Variants in ATP1B3 observed in about 807,000 individuals in gnomAD.
ATP1B3 encodes the protein ATPase Na+/K+ transporting subunit beta 3, also known as sodium/potassium-transporting ATPase subunit beta-3.
A neutral mutation model predicts 30.2 loss-of-function variants in ATP1B3; 10 were observed. The ratio of observed to expected loss-of-function variants is 0.33; its 90% confidence interval spans 0.20 to 0.56. ATP1B3 has a LOEUF of 0.56. Among genes scored for constraint, ATP1B3 ranks in the 20% least tolerant of loss-of-function variants. The probability of loss-of-function intolerance (pLI) is 0.90; values close to 1 mark genes in which losing one functional copy is unlikely to be tolerated. For synonymous variants in ATP1B3, 113 were observed against 117.0 expected, an observed-to-expected ratio of 0.97 and a Z score of 0.22; for missense variants, 238 against 336.7, an observed-to-expected ratio of 0.71 and a Z score of 2.29.
chr3:141,912,095 A>G (rs9811278), intron 3 of ATP1B3, among the ~76,000 whole-genome samples: 64,844 of 151,406 alleles, frequency 0.43, 14,466 homozygotes, highest in East Asian at 0.65. Context: ...GTTTATCTCT[A>G]CCCCCACAAA....
chr3:141,901,696 T>C (rs1402713493), intron 1 of ATP1B3, among the ~76,000 whole-genome samples: 2 of 121,604 alleles, frequency 1.6e-5, no homozygotes, highest in Non-Finnish European at 2.0e-5. Flanking sequence ...GCTATATATT[T>C]ATTTGCTTTA....
intron 4 of ATP1B3, 60 bp downstream of exon 4, chr3:141,913,896 A>G (rs1934411033): frequency 1.4e-6 from 2 of 1,467,150 alleles, no homozygotes; most frequent in South Asian, 2.9e-5. Flanking sequence ...TAAGGAGGCA[A>G]CTATTTTTAG....
At chr3:141,913,157 C>T (rs1934394654) in intron 3 of ATP1B3, among the ~76,000 whole-genome samples, 2 of 151,728 alleles carry the variant, frequency 1.3e-5, no homozygotes, top group Admixed American at 1.3e-4. Context: ...CTTCTCCTAG[C>T]TTCATTAACT....
intron 6 of ATP1B3, among the ~76,000 whole-genome samples, chr3:141,922,792 C>T (rs969967097): frequency 5.3e-5 from 8 of 151,588 alleles, no homozygotes; most frequent in African/African-American, 1.9e-4. Flanking sequence ...GGTGAAACCC[C>T]GTCTCTACTA....
intron 1 of ATP1B3, among the ~76,000 whole-genome samples, chr3:141,889,846 C>T (rs920868734): frequency 1.5e-5 from 2 of 135,386 alleles, no homozygotes; most frequent in Non-Finnish European, 3.1e-5. Context: ...TATATATATA[C>T]AGTTCTCCAA....
chr3:141,890,461 C>T (rs1933929230), intron 1 of ATP1B3, among the ~76,000 whole-genome samples: 1 of 151,658 alleles, frequency 6.6e-6, no homozygotes, highest in African/African-American at 2.4e-5. Context: ...CGCCACTACG[C>T]CCGGCTGATT....
At chr3:141,899,422 G>C (rs917377090) in intron 1 of ATP1B3, among the ~76,000 whole-genome samples, 1 of 152,184 alleles carries the variant, frequency 6.6e-6, no homozygotes, top group East Asian at 1.9e-4. Context: ...AATCTTTCTA[G>C]CATCTAGGTC....
At chr3:141,906,518 G>A (rs1016993459) in intron 2 of ATP1B3, among the ~76,000 whole-genome samples, 1 of 152,212 alleles carries the variant, frequency 6.6e-6, no homozygotes, top group African/African-American at 2.4e-5. Flanking sequence ...TTACATTAAA[G>A]TTGGAAGCCT....
At chr3:141,885,020 T>TTAAC (rs1311742330) in intron 1 of ATP1B3, among the ~76,000 whole-genome samples, 2 of 152,208 alleles carry the variant, frequency 1.3e-5, no homozygotes, top group Non-Finnish European at 2.9e-5. Flanking sequence ...CTTAGATGTC[T>TTAAC]TAACTAACTT....
At chr3:141,880,235 G>A (rs767009399) in intron 1 of ATP1B3, among the ~76,000 whole-genome samples, 1 of 152,156 alleles carries the variant, frequency 6.6e-6, no homozygotes, top group Non-Finnish European at 1.5e-5. Flanking sequence ...AAACAGCTAC[G>A]TAAAGATTTT....
intron 5 of ATP1B3, among the ~76,000 whole-genome samples, chr3:141,916,798 C>CCT (rs1242165761): frequency 3.9e-5 from 6 of 152,128 alleles, no homozygotes; most frequent in Non-Finnish European, 5.9e-5. Flanking sequence ...AGTCATGTTG[C>CCT]CTTGTTGGGT....
intron 1 of ATP1B3, among the ~76,000 whole-genome samples, chr3:141,877,341 T>C (rs966546969): frequency 6.6e-6 from 1 of 151,994 alleles, no homozygotes; most frequent in Admixed American, 6.5e-5. Context: ...GCTGAGCGGT[T>C]CGGAGAAGCC....
rs1933902704 is a variant in ATP1B3, at chr3:141,889,754, TATACACACACAC to T, written c.109+12846_109+12857del. 8.0e-5 allele frequency among the ~76,000 whole-genome samples: 6 copies of T among 75,020 alleles called. 1 individual carries two copies. Among genetic ancestry groups the T allele is most frequent in the Non-Finnish European group, 1.2e-4 (5 of 42,752 alleles). The allele number at this position is 75,020 out of a possible 152,430, so 49.2% of individuals were successfully genotyped here. ...AAAAAAAAAAAAAAAAAAAAAAATA[TATACACACACAC>T]ACACACACACACACACACACACACA... On this transcript the variant is annotated intron_variant, in intron 1 of 6. Coordinates refer to ENST00000286371, the MANE Select transcript of ATP1B3 (RefSeq NM_001679.4).
In ATP1B3 at chr3:141,876,815, A is replaced by G; in HGVS notation, c.14A>G (p.Glu5Gly). Residue 5 changes from glutamate to glycine, a missense_variant, in exon 1 of 7, where the codon GAG becomes GGG. Around this residue, in one of 3 missense-constraint regions of ATP1B3, gnomAD observed 130 missense variants for 148.8 expected, o/e 0.87. Coordinates refer to ENST00000286371, the MANE Select transcript of ATP1B3 (RefSeq NM_001679.4). The part of the protein sequence containing the change: MTKN[E>G]KKSLNQSLAE... ...CGCGCGCACACCATGACGAAGAACG[A>G]GAAGAAGTCCCTCAACCAGAGCCTG... is the stretch of plus-strand genomic sequence containing the variant. The G allele has an allele frequency of 6.3e-7, 1 of 1,589,914 alleles. No homozygotes were observed. Among genetic ancestry groups the G allele is most frequent in the Non-Finnish European group, 8.6e-7 (1 of 1,167,594 alleles).
At chr3:141,887,432 G>T (rs1933857394) in intron 1 of ATP1B3, among the ~76,000 whole-genome samples, 1 of 152,068 alleles carries the variant, frequency 6.6e-6, no homozygotes, top group Non-Finnish European at 1.5e-5. Context: ...TTCTTCCCTG[G>T]GTAACCCCCG....
rs1049286068 is a variant in ATP1B3 at position 141,897,894 on chromosome 3, G to A, written c.110-5726G>A. Among the ~76,000 whole-genome samples the A allele has an allele frequency of 1.3e-5, 2 of 152,152 alleles. 1 individual carries two copies. Among genetic ancestry groups the A allele is most frequent in the South Asian group, 4.1e-4 (2 of 4,834 alleles). ...CCAGCTAATTTTTGTAATTTTAGTA[G>A]AGACTGGTTTTCACCATGTTGGCCA... On this transcript the variant is annotated intron_variant, in intron 1 of 6. Coordinates refer to ENST00000286371, the MANE Select transcript of ATP1B3 (RefSeq NM_001679.4).
intron 3 of ATP1B3, among the ~76,000 whole-genome samples, chr3:141,907,771 G>C (rs1013077048): frequency 7.9e-5 from 12 of 152,074 alleles, no homozygotes; most frequent in Admixed American, 7.2e-4. Context: ...TTGTGAGACT[G>C]TTCTAACTAT....
intron 1 of ATP1B3, among the ~76,000 whole-genome samples, chr3:141,883,059 T>C (rs1002765332): frequency 6.6e-6 from 1 of 152,216 alleles, no homozygotes; most frequent in South Asian, 2.1e-4. Flanking sequence ...CTCTCTACCA[T>C]TCCACATAGT....
intron 4 of ATP1B3, 117 bp downstream of exon 4, chr3:141,913,953 G>A (rs983678750): frequency 3.0e-6 from 3 of 995,562 alleles, no homozygotes; most frequent in African/African-American, 3.3e-5. Flanking sequence ...GTTATCATTT[G>A]GGGGGTAGCT....
Sources: allele counts gnomAD v4.1 joint callset (sites outside exome capture counted in the v4.1 genomes callset), GRCh38; gene constraint gnomAD v4.1.1; regional missense constraint gnomAD v4.1.1; transcripts MANE v1.5; gene names NCBI Gene and HGNC (gene_info 2026-07-23, HGNC 2026-07-21).